Variants in TRPM6 observed in about 807,000 individuals in gnomAD.
TRPM6 encodes the protein transient receptor potential cation channel subfamily M member 6.
Under a neutral mutation model 247.6 loss-of-function variants are expected in TRPM6, and 111 were observed. The observed-to-expected ratio is 0.45, with a 90% CI of 0.38 to 0.52. The LOEUF (loss-of-function observed/expected upper bound fraction) is 0.52, where lower values mean the gene tolerates loss of function less well. TRPM6 is among the 20% of genes least tolerant of loss of function. TRPM6 has a pLI of 0.00. For synonymous variants in TRPM6, 892 were observed against 853.8 expected (o/e 1.04, Z -0.78); for missense variants, 2,126 against 2,421.5 (o/e 0.88, Z 2.56).
Position 74,722,952 on chromosome 9 carries a change from G to C in TRPM6, c.*1661C>G, listed in dbSNP as rs576112445. On this transcript the variant is annotated 3_prime_UTR_variant, in exon 39 of 39. Transcript: ENST00000360774. The stretch of plus-strand genomic sequence containing the variant: ...CAAGTCAGCTAATGTCAGGATTAAA[G>C]ATAAAAATAAGTTGGAATTTTTCAA... 1.3e-5 allele frequency: 2 copies of C among 152,154 alleles called. No homozygotes were observed. Among genetic ancestry groups the C allele is most frequent in the South Asian group, 4.1e-4 (2 of 4,828 alleles). 9.4% of individuals were successfully genotyped at this position (152,154 alleles called of 1,614,324 possible).
At chr9:74,776,736 G>A (rs568146057) in intron 23 of TRPM6, among the ~76,000 whole-genome samples, 35 of 152,116 alleles carry the variant, frequency 2.3e-4, no homozygotes, top group Admixed American at 1.4e-3. Flanking sequence ...CAGTTATTCT[G>A]AAACAATATA....
At chr9:74,807,224 C>A (rs1434446967) in intron 14 of TRPM6, among the ~76,000 whole-genome samples, 1 of 152,096 alleles carries the variant, frequency 6.6e-6, no homozygotes, top group Admixed American at 6.6e-5. Flanking sequence ...TGGAATCTTA[C>A]CCCAAACTGC....
rs59490187 is a variant in TRPM6 at position 74,801,243 on chromosome 9, ATTTTTTTTTTTTTTTTTTT to A, written c.2009+636_2009+654del. On this transcript the variant is annotated intron_variant, in intron 16 of 38. Transcript: ENST00000360774. ...GTGAGCCACTGCACCAAGCCTGGGA[ATTTTTTTTTTTTTTTTTTT>A]TTTTTTTTTTTTTATTGACGGAGTC... 1.6e-3 allele frequency among the ~76,000 whole-genome samples: 133 copies of A among 85,308 alleles called. 3 individuals carry two copies. Among genetic ancestry groups the A allele is most frequent in the Non-Finnish European group, 7.6e-4 (36 of 47,084 alleles). The allele number at this position is 85,308 out of a possible 152,430, so 56.0% of individuals were successfully genotyped here.
Position 74,800,348 on chromosome 9 carries a change from C to T in TRPM6, c.2144G>A (p.Gly715Glu). 1 of 1,614,070 alleles carries T rather than the reference C, an allele frequency of 6.2e-7. No individual in the cohort carries two copies. The highest frequency in any genetic ancestry group is 8.5e-7 in the Non-Finnish European group (1 of 1,180,014). Reference sequence around the variant, plus strand: ...AGTATGTGAAACAAAGGGTCGTAATCCTCCCGACACGGCCAGTTTAAGGCA... The same window carrying T: ...AGTATGTGAAACAAAGGGTCGTAATTCTCCCGACACGGCCAGTTTAAGGCA... ...STCLKLAVSG[G>E]LRPFVSHTCT... The change falls in exon 17 of 39, where the codon GGA becomes GAA. Residue 715 changes from glycine (G) to glutamate (E), a missense_variant. Physicochemically the swap from Gly to Glu is moderately conservative, Grantham distance 98 (BLOSUM62 -2). Around this residue, in one of 3 missense-constraint regions of TRPM6, gnomAD observed 1,082 missense variants for 1,307.9 expected, o/e 0.83. Coordinates refer to ENST00000360774, the MANE Select transcript of TRPM6 (RefSeq NM_017662.5).
chr9:74,736,098 G>A (rs1825684845), intron 36 of TRPM6, among the ~76,000 whole-genome samples: 1 of 152,194 alleles, frequency 6.6e-6, no homozygotes, highest in Non-Finnish European at 1.5e-5. Context: ...AGAGATTAAT[G>A]CTTACAGCAA....
intron 25 of TRPM6, among the ~76,000 whole-genome samples, chr9:74,769,800 G>A (rs1826966624): frequency 6.7e-6 from 1 of 150,290 alleles, no homozygotes; most frequent in Non-Finnish European, 1.5e-5. Flanking sequence ...AGGAAGGGAG[G>A]GAGGGAGGAA....
chr9:74,816,338 C>T (rs1258462678), intron 11 of TRPM6, among the ~76,000 whole-genome samples: 1 of 152,108 alleles, frequency 6.6e-6, no homozygotes, highest in Non-Finnish European at 1.5e-5. Context: ...CATTGCATGA[C>T]ATCCTGGGCA....
At chr9:74,830,862 CA>C (rs1829523264) in intron 6 of TRPM6, among the ~76,000 whole-genome samples, 1 of 141,042 alleles carries the variant, frequency 7.1e-6, no homozygotes, top group South Asian at 2.2e-4. Context: ...CTCGGCCTCC[CA>C]AAGTACTGGG....
intron 25 of TRPM6, among the ~76,000 whole-genome samples, chr9:74,769,980 G>A (rs73650068): frequency 0.015 from 2,236 of 152,274 alleles, 50 homozygotes; most frequent in African/African-American, 0.051. Flanking sequence ...AAGGGGCGCA[G>A]AACGTGTAGA....
At chr9:74,861,946 T>C (rs928223377) in intron 1 of TRPM6, among the ~76,000 whole-genome samples, 4 of 152,042 alleles carry the variant, frequency 2.6e-5, no homozygotes, top group African/African-American at 9.7e-5. Flanking sequence ...CCAATGATTG[T>C]TGAATGAGCA....
intron 27 of TRPM6, among the ~76,000 whole-genome samples, chr9:74,757,828 G>T (rs1029934850): frequency 6.6e-6 from 1 of 151,556 alleles, no homozygotes; most frequent in Non-Finnish European, 1.5e-5. Context: ...TGGGAGAATC[G>T]CTTGAACCTG....
At chr9:74,808,417 GCT>G (rs201274851) in intron 13 of TRPM6, among the ~76,000 whole-genome samples, 29 of 151,858 alleles carry the variant, frequency 1.9e-4, no homozygotes, top group African/African-American at 4.8e-4. Context: ...ATCTATGCGT[GCT>G]CTCTCTCTCT....
rs1199426825 is a variant in TRPM6, at chr9:74,747,893, A to G, written c.5079T>C (p.Val1693=). ...TGTTTAAACAGAAAAACTTACTGTC[A>G]ACTCCAATTGAACTTTTCAGCCTGT... is the stretch of plus-strand genomic sequence containing the variant. ...RNSLLKSSIG[V]DKISASLKSP... Residue 1693 remains valine (V), a synonymous_variant, in exon 31 of 39, where the codon GTT becomes GTC. Transcript: ENST00000360774. 19 of 1,610,632 alleles carry G rather than the reference A, an allele frequency of 1.2e-5. No homozygotes were observed. Among genetic ancestry groups the G allele is most frequent in the Non-Finnish European group, 1.4e-5 (17 of 1,178,284 alleles).
intron 27 of TRPM6, among the ~76,000 whole-genome samples, chr9:74,760,714 C>T (rs889290790): frequency 6.6e-6 from 1 of 152,144 alleles, no homozygotes; most frequent in African/African-American, 2.4e-5. Flanking sequence ...ATGATTTGAA[C>T]GTTTGTTCCT....
chr9:74,871,561 T>C (rs945669306), intron 1 of TRPM6, among the ~76,000 whole-genome samples: 1 of 152,186 alleles, frequency 6.6e-6, no homozygotes, highest in African/African-American at 2.4e-5. Flanking sequence ...ATATGTTATT[T>C]TTCATCTTAC....
chr9:74,830,962 C>T (rs2118094676), intron 6 of TRPM6, among the ~76,000 whole-genome samples: 1 of 151,994 alleles, frequency 6.6e-6, no homozygotes, highest in Admixed American at 6.6e-5. Flanking sequence ...AACGGTTATA[C>T]AGACTGGTCC....
chr9:74,825,416 T>C (rs1183151756), intron 7 of TRPM6, among the ~76,000 whole-genome samples: 1 of 152,066 alleles, frequency 6.6e-6, no homozygotes, highest in African/African-American at 2.4e-5. Context: ...GCTTGATACA[T>C]AAGAATTTTG....
intron 10 of TRPM6, 60 bp downstream of exon 10, chr9:74,816,832 G>T: frequency 6.2e-7 from 1 of 1,609,162 alleles, no homozygotes; most frequent in Non-Finnish European, 8.5e-7. Flanking sequence ...GAAGCACAAA[G>T]TACTGTGGAA....
At chr9:74,744,265 C>G in intron 31 of TRPM6, 120 bp from the exon 32 acceptor site, 1 of 1,106,824 alleles carries the variant, frequency 9.0e-7, no homozygotes, top group Non-Finnish European at 1.4e-6. Context: ...TCTCAGTATT[C>G]GAAAAAGCTT....
Sources: gnomAD v4.1 joint callset for allele counts (sites outside exome capture counted in the v4.1 genomes callset) on GRCh38, gnomAD v4.1.1 for gene constraint, gnomAD v4.1.1 regional missense constraint, MANE v1.5 for transcripts, NCBI Gene and HGNC (gene_info 2026-07-23, HGNC 2026-07-21) for gene names.